The following ZNF205 variants were observed in gnomAD, a reference collection of about 807,000 sequenced individuals.
ZNF205 encodes the protein zinc finger protein 205.
A neutral mutation model predicts 53.6 loss-of-function variants in ZNF205; 32 were observed. That is an observed-to-expected ratio of 0.60 (90% CI 0.45 to 0.80). The LOEUF is 0.80. Ranked by LOEUF, ZNF205 falls within the 30% of genes least tolerant of loss-of-function variation. The probability of loss-of-function intolerance (pLI) is 0.00; values close to 1 mark genes in which losing one functional copy is unlikely to be tolerated. For missense variants in ZNF205, 836 were observed against 782.4 expected (o/e 1.07, Z -0.82); for synonymous variants, 382 against 334.3 (o/e 1.14, Z -1.56).
rs759658881 is a variant in ZNF205 at position 3,113,426 on chromosome 16, A to G, written c.-5A>G. The G allele has an allele frequency of 1.9e-6, 3 of 1,613,396 alleles. No homozygotes were observed. The highest frequency in any genetic ancestry group is 3.3e-4 in the Middle Eastern group (2 of 6,058). ...CAGCTGTTCTTTCTAGCTCTGAAAT[A>G]GAAAATGTCTGCAGACGGCGGAGGC... On this transcript the variant is annotated 5_prime_UTR_variant, in exon 2 of 7. In the 5' UTR this introduces an upstream ATG that the reference lacks. Transcript: ENST00000219091.
chr16:3,118,842 A>T, intron 5 of ZNF205, 63 bp from the exon 6 acceptor site: 1 of 1,549,510 alleles, frequency 6.5e-7, no homozygotes, highest in Non-Finnish European at 8.8e-7. Context: ...TTTTGGGGAG[A>T]TGCTGTCTGC....
At chr16:3,113,633 C>A (rs1957300716) in intron 2 of ZNF205, 146 bp downstream of exon 2, 4 of 840,880 alleles carry the variant, frequency 4.8e-6, no homozygotes, top group Non-Finnish European at 7.3e-6. Flanking sequence ...GGGTAGTACC[C>A]TCTGTCTGGA....
In ZNF205 at chr16:3,119,728, C is replaced by T; in HGVS notation, c.1068C>T (p.Ile356=). The T allele has an allele frequency of 6.2e-7, 1 of 1,613,666 alleles. No individual in the cohort carries two copies. ...GRSSHLIQHQ[I]IHTGEKPYTC... is the part of the protein sequence containing the mutation. The stretch of plus-strand genomic sequence containing the variant: ...GCTCGCACCTCATCCAGCACCAGAT[C>T]ATCCACACGGGCGAGAAGCCCTACA... The change falls in exon 7 of 7, where the codon ATC becomes ATT. Residue 356 remains isoleucine (I), a synonymous_variant. Coordinates refer to ENST00000219091, the MANE Select transcript of ZNF205 (RefSeq NM_001042428.2).
intron 2 of ZNF205, 115 bp from the exon 3 acceptor site, chr16:3,115,240 C>G: frequency 1.3e-6 from 1 of 791,202 alleles, no homozygotes; most frequent in Non-Finnish European, 1.8e-6. Context: ...GCAGCAAGGA[C>G]AGTCCTTCAA....
In ZNF205 at chr16:3,119,453, C is replaced by A. The variant is rs1176974020; in HGVS notation, c.793C>A (p.Pro265Thr). The A allele has an allele frequency of 1.3e-6, 2 of 1,590,714 alleles. No homozygotes were observed. Among genetic ancestry groups the A allele is most frequent in the African/African-American group, 2.7e-5 (2 of 74,318 alleles). ...GCCAGATCGCACCCCGGATGCAGCT[C>A]CGCCAGACCCCAGTCCCACGGAGCC... ...AEPDRTPDAA[P>T]PDPSPTEPQE... The change falls in exon 7 of 7, where the codon CCG becomes ACG. Residue 265 changes from proline (P) to threonine (T), a missense_variant. Transcript: ENST00000219091.
At position 3,119,403 on chromosome 16, in the gene ZNF205, C is replaced by T; in HGVS notation, c.743C>T (p.Ala248Val). ...GCCTGCGGCCGGAGCTCAGGGCCGG[C>T]CAAAGACTCCGGGCAGCCGGCTGAG... ...EAACGRSSGPAKDSGQPAEPD... is the reference protein window; with the variant it reads ...EAACGRSSGPVKDSGQPAEPD... The change falls in exon 7 of 7, where the codon GCC becomes GTC. Residue 248 changes from alanine to valine, a missense_variant. Transcript: ENST00000219091. The T allele has an allele frequency of 2.5e-6, 4 of 1,609,414 alleles. No homozygotes were observed. In the African/African-American group the frequency reaches 5.3e-5, roughly 21 times the overall value.
rs770170050 is a variant in ZNF205, at chr16:3,119,859, G to C, written c.1199G>C (p.Arg400Pro). The stretch of plus-strand genomic sequence containing the variant: ...TACGTGTGCGACCGCTGCGCCAAGC[G>C]CTTCACCCGCCGCTCGGACTTGGTC... ...KPYVCDRCAK[R>P]FTRRSDLVTH... The change falls in exon 7 of 7, where the codon CGC (arginine) becomes CCC (proline). Residue 400 changes from arginine (R) to proline (P), a missense_variant. By Grantham distance (103) the Arg-to-Pro change is moderately radical. Transcript: ENST00000219091. 6.2e-7 allele frequency: 1 copy of C among 1,612,714 alleles called. No homozygotes were observed. The highest frequency in any genetic ancestry group is 1.3e-5 in the African/African-American group (1 of 74,892).
At chr16:3,115,332 G>A in intron 2 of ZNF205, 23 bp from the exon 3 acceptor site, 1 of 1,537,108 alleles carries the variant, frequency 6.5e-7, no homozygotes, top group Non-Finnish European at 8.8e-7. Context: ...TCATCTGGGT[G>A]CTGATGGGGC....
In ZNF205 at chr16:3,119,530, G is replaced by C. The variant is rs544653349; in HGVS notation, c.870G>C (p.Pro290=). The C allele has an allele frequency of 3.7e-6, 6 of 1,605,004 alleles. No homozygotes were observed. In the South Asian group the frequency reaches 6.7e-5, roughly 18 times the overall value. ...CCAACGAGGAGGAGAAGGGCGCCCC[G>C]GAGAGTGGCGAGGAGGGCCTGGCCC... ...EKPNEEEKGA[P]ESGEEGLAPD... Residue 290 remains proline, a synonymous_variant, in exon 7 of 7, where the codon CCG becomes CCC. Coordinates refer to ENST00000219091, the MANE Select transcript of ZNF205 (RefSeq NM_001042428.2).
At position 3,120,434 on chromosome 16, in the gene ZNF205, G is replaced by C. The variant is rs950029906; in HGVS notation, c.*109G>C. 3 of 1,286,852 alleles carry C rather than the reference G, an allele frequency of 2.3e-6. No individual in the cohort carries two copies. The highest frequency in any genetic ancestry group is 3.0e-5 in the African/African-American group (2 of 66,630). 79.7% of individuals were successfully genotyped at this position (1,286,852 alleles called of 1,614,324 possible). A position where few individuals can be genotyped will look rare whatever the true frequency, so the allele number is the denominator to read the frequency against. On this transcript the variant is annotated 3_prime_UTR_variant, in exon 7 of 7. Coordinates refer to ENST00000219091, the MANE Select transcript of ZNF205 (RefSeq NM_001042428.2). Reference sequence around the variant, plus strand: ...CTCGGGAAGGGAGCTGGGGCGGTGAGGGCATGGGGTGAGGCATGGCGATGG... The same window carrying C: ...CTCGGGAAGGGAGCTGGGGCGGTGACGGCATGGGGTGAGGCATGGCGATGG...
chr16:3,115,661 T>C (rs970663364), intron 3 of ZNF205, 93 bp downstream of exon 3: 10 of 1,433,824 alleles, frequency 7.0e-6, no homozygotes, highest in African/African-American at 4.3e-5. Context: ...TGAGGGTCTC[T>C]ATGCCAGCAG....
In ZNF205 at chr16:3,115,820, C is replaced by T. The variant is rs1957337095; in HGVS notation, c.272-9C>T. 1.9e-6 allele frequency: 3 copies of T among 1,609,930 alleles called. No homozygotes were observed. In the African/African-American group the frequency reaches 4.0e-5, roughly 21 times the overall value. On this transcript the variant is annotated splice_polypyrimidine_tract_variant and intron_variant, in intron 3 of 6. Coordinates refer to ENST00000219091, the MANE Select transcript of ZNF205 (RefSeq NM_001042428.2). ...GCTGATCACCGTGAGGACCTCTCTC[C>T]TCCCACAGCCCTCCCCTCCCCCCGG...
In ZNF205 at chr16:3,119,657, G is replaced by C. The variant is rs1455279056; in HGVS notation, c.997G>C (p.Glu333Gln). 2 of 1,613,020 alleles carry C rather than the reference G, an allele frequency of 1.2e-6. No homozygotes were observed. Among genetic ancestry groups the C allele is most frequent in the South Asian group, 2.2e-5 (2 of 91,058 alleles). Residue 333 changes from glutamate to glutamine, a missense_variant, in exon 7 of 7, where the codon GAG (glutamate) becomes CAG (glutamine). By Grantham distance (29) the Glu-to-Gln change is conservative (BLOSUM62 2). Coordinates refer to ENST00000219091, the MANE Select transcript of ZNF205 (RefSeq NM_001042428.2). The part of the protein sequence containing the change: ...LVTHRRTHTG[E>Q]KPYACTDCGK... Reference sequence around the variant, plus strand: ...GACGCACCGGCGCACGCACACGGGCGAGAAGCCCTACGCCTGCACTGACTG... The same window carrying C: ...GACGCACCGGCGCACGCACACGGGCCAGAAGCCCTACGCCTGCACTGACTG...
chr16:3,119,167 C>G (rs1957384985), intron 6 of ZNF205, 89 bp from the exon 7 acceptor site: 1 of 1,507,466 alleles, frequency 6.6e-7, no homozygotes, highest in African/African-American at 1.4e-5. Context: ...CTCTGAGAAT[C>G]CAGCCCCCAC....
intron 4 of ZNF205, 165 bp from the exon 5 acceptor site, chr16:3,116,262 G>A (rs888716023): frequency 6.3e-6 from 6 of 958,104 alleles, no homozygotes; most frequent in Non-Finnish European, 9.2e-6. Flanking sequence ...CAACTCCCCA[G>A]AAGGCCTTGG....
chr16:3,115,195 T>C, intron 2 of ZNF205, 160 bp from the exon 3 acceptor site: 2 of 526,274 alleles, frequency 3.8e-6, no homozygotes, highest in South Asian at 1.5e-4. Context: ...TTCCTCCTCT[T>C]GCCGCCCGTC....
Position 3,115,550 on chromosome 16 carries a change from C to A in ZNF205, c.253C>A (p.Leu85Ile). ...AAGTCACGGCTCTAAGGAGAAAGCT[C>A]TCTTCCTGCCTGGCGGAGGTAGGAG... is the stretch of plus-strand genomic sequence containing the variant. ...PLSHGSKEKA[L>I]FLPGGALPSP... The change falls in exon 3 of 7, where the codon CTC becomes ATC. Residue 85 changes from leucine to isoleucine, a missense_variant. Leu to Ile is a conservative substitution (Grantham distance 5, BLOSUM62 2). Transcript: ENST00000219091. The A allele has an allele frequency of 6.3e-7, 1 of 1,592,432 alleles. No homozygotes were observed. Among genetic ancestry groups the A allele is most frequent in the Non-Finnish European group, 8.5e-7 (1 of 1,172,792 alleles).
Position 3,119,859 on chromosome 16 carries a change from G to T in ZNF205, c.1199G>T (p.Arg400Leu). ...TACGTGTGCGACCGCTGCGCCAAGC[G>T]CTTCACCCGCCGCTCGGACTTGGTC... ...KPYVCDRCAKRFTRRSDLVTH... is the reference protein window; with the variant it reads ...KPYVCDRCAKLFTRRSDLVTH... The change falls in exon 7 of 7, where the codon CGC (arginine) becomes CTC (leucine). Residue 400 changes from arginine (R) to leucine (L), a missense_variant. Transcript: ENST00000219091. 6.2e-7 allele frequency: 1 copy of T among 1,612,828 alleles called. No homozygotes were observed. The highest frequency in any genetic ancestry group is 1.3e-5 in the African/African-American group (1 of 75,014).
chr16:3,118,787 T>C, intron 5 of ZNF205, 118 bp from the exon 6 acceptor site: 1 of 1,124,230 alleles, frequency 8.9e-7, no homozygotes, highest in Non-Finnish European at 1.3e-6. Context: ...CTGCTTTATT[T>C]TACCCCCTGT....
Sources: allele counts gnomAD v4.1 joint callset, GRCh38; gene constraint gnomAD v4.1.1; transcripts MANE v1.5; gene names NCBI Gene and HGNC (gene_info 2026-07-23, HGNC 2026-07-21).